The following CALB2 variants were observed in gnomAD, a reference collection of about 807,000 sequenced individuals.
The protein encoded by CALB2 is calretinin.
A neutral mutation model predicts 45.9 loss-of-function variants in CALB2; 34 were observed. That is an observed-to-expected ratio of 0.74 (90% CI 0.56 to 0.99). The LOEUF (loss-of-function observed/expected upper bound fraction) is 0.99. Ranked by LOEUF, CALB2 falls within the 50% of genes least tolerant of loss-of-function variation. The pLI is 0.00. For synonymous variants in CALB2, 142 were observed against 129.6 expected (o/e 1.10, Z -0.65); for missense variants, 344 against 339.3 (o/e 1.01, Z -0.11).
In CALB2 at chr16:71,366,022, C is replaced by CTTT. The variant is rs1447467571; in HGVS notation, c.95-6130_95-6129insTTT. On this transcript the variant is annotated intron_variant, in intron 1 of 10. Transcript: ENST00000302628. ...TTTCTTTGTTTTCTTCCCTCTCTCT[C>CTTT]TCTTTTTTTTTTTTTTTTTTTTGAG... Among the ~76,000 whole-genome samples the CTTT allele has an allele frequency of 3.4e-3, 172 of 50,508 alleles. 26 individuals are homozygous for CTTT. Among genetic ancestry groups the CTTT allele is most frequent in the Middle Eastern group, 0.013 (1 of 76 alleles). The allele number at this position is 50,508 out of a possible 152,430, so 33.1% of individuals were successfully genotyped here. A position where few individuals can be genotyped will look rare whatever the true frequency, so the allele number is the denominator to read the frequency against.
intron 2 of CALB2, among the ~76,000 whole-genome samples, chr16:71,373,605 G>A (rs1223879496): frequency 6.6e-6 from 1 of 152,160 alleles, no homozygotes; most frequent in Non-Finnish European, 1.5e-5. Context: ...TCCAGGACTG[G>A]TTCTCAGAGC....
intron 7 of CALB2, 112 bp from the exon 8 acceptor site, chr16:71,384,227 G>A: frequency 9.6e-7 from 1 of 1,037,552 alleles, no homozygotes; most frequent in South Asian, 1.3e-5. Flanking sequence ...CATTATGTGT[G>A]AAGTGCTCAG....
intron 4 of CALB2, among the ~76,000 whole-genome samples, chr16:71,380,533 C>T (rs2042479010): frequency 6.6e-6 from 1 of 151,958 alleles, no homozygotes; most frequent in African/African-American, 2.4e-5. Flanking sequence ...GTCTCAAACT[C>T]CCGACCTCAG....
intron 1 of CALB2, among the ~76,000 whole-genome samples, chr16:71,362,628 G>GA (rs2042246511): frequency 6.6e-6 from 1 of 152,144 alleles, no homozygotes; most frequent in Non-Finnish European, 1.5e-5. Flanking sequence ...TAGTGACATG[G>GA]AAAAATGTCC....
chr16:71,358,798 T>A lies in CALB2; in HGVS notation c.6T>A (p.Ala2=). 6.2e-7 allele frequency: 1 copy of A among 1,605,366 alleles called. No homozygotes were observed. The highest frequency in any genetic ancestry group is 8.5e-7 in the Non-Finnish European group (1 of 1,177,364). M[A]GPQQQPPYLH... is the part of the protein sequence containing the mutation. ...AGGTCTCCGAGCGGCTCGCCATGGC[T>A]GGCCCGCAGCAGCAGCCCCCTTACC... Residue 2 remains alanine (A), a synonymous_variant, in exon 1 of 11, where the codon GCT becomes GCA. Coordinates refer to ENST00000302628, the MANE Select transcript of CALB2 (RefSeq NM_001740.5).
intron 10 of CALB2, among the ~76,000 whole-genome samples, chr16:71,386,330 T>G (rs541576197): frequency 6.9e-4 from 105 of 152,322 alleles, no homozygotes; most frequent in African/African-American, 2.4e-3. Flanking sequence ...GTGAAAGTGT[T>G]AGCCAAATTG....
chr16:71,375,903 G>T (rs1892930551), intron 3 of CALB2, among the ~76,000 whole-genome samples: 1 of 152,242 alleles, frequency 6.6e-6, no homozygotes, highest in South Asian at 2.1e-4. Context: ...GAGGGGACCT[G>T]TGGAACTTCC....
At chr16:71,363,650 T>A (rs1453651379) in intron 1 of CALB2, among the ~76,000 whole-genome samples, 1 of 152,226 alleles carries the variant, frequency 6.6e-6, no homozygotes, top group Admixed American at 6.5e-5. Flanking sequence ...CTCTCAGAGA[T>A]GAACGGGAAC....
At chr16:71,378,591 C>T (rs2042445052) in intron 4 of CALB2, among the ~76,000 whole-genome samples, 1 of 152,086 alleles carries the variant, frequency 6.6e-6, no homozygotes, top group African/African-American at 2.4e-5. Flanking sequence ...GATCCAGTGA[C>T]TCAGAAGCTC....
At chr16:71,381,108 A>T (rs530254045) in intron 4 of CALB2, among the ~76,000 whole-genome samples, 1 of 152,256 alleles carries the variant, frequency 6.6e-6, no homozygotes, top group South Asian at 2.1e-4. Flanking sequence ...CCTTCAGGTT[A>T]TTGCCCTTTT....
At chr16:71,372,926 G>A (rs922922762) in intron 2 of CALB2, among the ~76,000 whole-genome samples, 2 of 152,156 alleles carry the variant, frequency 1.3e-5, no homozygotes, top group African/African-American at 4.8e-5. Flanking sequence ...GAACCAGACG[G>A]CACTGGCTGG....
intron 10 of CALB2, among the ~76,000 whole-genome samples, chr16:71,387,999 A>G (rs1421020345): frequency 6.6e-6 from 1 of 152,090 alleles, no homozygotes; most frequent in Non-Finnish European, 1.5e-5. Context: ...ATAGTGCACC[A>G]GTGAAATCAT....
chr16:71,382,779 G>C lies in CALB2; in HGVS notation c.399+4G>C. Reference sequence around the variant, plus strand: ...CATCGAAGCCAATGAGCTCAAGGTAGGATGGGCCTTGGGGAGGGTGTGAGG... The same window carrying C: ...CATCGAAGCCAATGAGCTCAAGGTACGATGGGCCTTGGGGAGGGTGTGAGG... On this transcript the variant is annotated splice_donor_region_variant and intron_variant, in intron 5 of 10. Coordinates refer to ENST00000302628, the MANE Select transcript of CALB2 (RefSeq NM_001740.5). 6.2e-7 allele frequency: 1 copy of C among 1,609,588 alleles called. No individual in the cohort carries two copies. The highest frequency in any genetic ancestry group is 1.1e-5 in the South Asian group (1 of 90,206).
chr16:71,389,182 C>T (rs1019222481), intron 10 of CALB2, among the ~76,000 whole-genome samples: 6 of 130,466 alleles, frequency 4.6e-5, no homozygotes, highest in East Asian at 5.4e-4. Flanking sequence ...AGCAAGACTC[C>T]GCCTCAAAAT....
At chr16:71,373,868 A>G (rs1024683479) in intron 2 of CALB2, among the ~76,000 whole-genome samples, 2 of 152,238 alleles carry the variant, frequency 1.3e-5, no homozygotes, top group Non-Finnish European at 2.9e-5. Flanking sequence ...AAATATTGAC[A>G]AATTGATACT....
chr16:71,382,248 C>T (rs1052573688), intron 4 of CALB2, among the ~76,000 whole-genome samples: 1 of 152,182 alleles, frequency 6.6e-6, no homozygotes, highest in South Asian at 2.1e-4. Context: ...GAACATGGTT[C>T]TCCGGGCATC....
intron 1 of CALB2, among the ~76,000 whole-genome samples, chr16:71,360,118 G>T (rs1438029251): frequency 6.6e-6 from 1 of 152,214 alleles, no homozygotes; most frequent in Non-Finnish European, 1.5e-5. Flanking sequence ...GAGAGCAAGG[G>T]GGATGGAAAA....
chr16:71,358,737 A>G lies in CALB2; in HGVS notation c.-56A>G. The G allele has an allele frequency of 7.1e-7, 1 of 1,410,434 alleles. No homozygotes were observed. The highest frequency in any genetic ancestry group is 9.8e-7 in the Non-Finnish European group (1 of 1,020,012). The allele number at this position is 1,410,434 out of a possible 1,614,324, so 87.4% of individuals were successfully genotyped here. ...CGCACAACCCCAGCGCGAGTGCCAG[A>G]GCCCAGCCGGCGCGGAGCGGGAGCG... On this transcript the variant is annotated 5_prime_UTR_variant, in exon 1 of 11. Coordinates refer to ENST00000302628, the MANE Select transcript of CALB2 (RefSeq NM_001740.5).
chr16:71,362,114 G>A (rs527947869), intron 1 of CALB2, among the ~76,000 whole-genome samples: 39 of 152,170 alleles, frequency 2.6e-4, no homozygotes, highest in Non-Finnish European at 5.0e-4. Context: ...GTGGCCTTAC[G>A]TATCTGAGCC....
Sources: allele counts gnomAD v4.1 joint callset (sites outside exome capture counted in the v4.1 genomes callset), GRCh38; gene constraint gnomAD v4.1.1; transcripts MANE v1.5; gene names NCBI Gene and HGNC (gene_info 2026-07-23, HGNC 2026-07-21).